CEP170: variants seen among roughly 807,000 people sequenced by gnomAD.
CEP170 encodes the protein centrosomal protein of 170 kDa.
CEP170 carries 21 observed loss-of-function variants against 151.9 expected under a neutral mutation model. The observed-to-expected ratio is 0.14, with a 90% CI of 0.10 to 0.20. CEP170 has a LOEUF of 0.20. Among genes scored for constraint, CEP170 ranks in the 10% least tolerant of loss-of-function variants. The probability of loss-of-function intolerance (pLI) is 1.00; values close to 1 mark genes in which losing one functional copy is unlikely to be tolerated. For missense variants in CEP170, 964 were observed against 1,892.9 expected, an observed-to-expected ratio of 0.51 and a Z score of 9.11; for synonymous variants, 356 against 648.8, an observed-to-expected ratio of 0.55 and a Z score of 6.86.
At chr1:243,221,169 A>T (rs537982009) in intron 3 of CEP170, among the ~76,000 whole-genome samples, 2 of 151,882 alleles carry the variant, frequency 1.3e-5, no homozygotes, top group African/African-American at 4.8e-5. Context: ...GGACTACAGG[A>T]GCCCGCCACC....
In CEP170 at chr1:243,140,118, G is replaced by A. The variant is rs2055651308; in HGVS notation, c.4060-11C>T. 3 of 1,612,412 alleles carry A rather than the reference G, an allele frequency of 1.9e-6. No individual in the cohort carries two copies. The highest frequency in any genetic ancestry group is 1.1e-5 in the South Asian group (1 of 90,966). Reference sequence around the variant, plus strand: ...AACACGATCAACCAACTAATGGGACGAAAGCAAACCTTTATGAGAACACAG... The same window carrying A: ...AACACGATCAACCAACTAATGGGACAAAAGCAAACCTTTATGAGAACACAG... On this transcript the variant is annotated splice_polypyrimidine_tract_variant and intron_variant, in intron 15 of 19. Transcript: ENST00000366542.
chr1:243,219,864 G>A (rs1222641116), intron 3 of CEP170, among the ~76,000 whole-genome samples: 1 of 152,218 alleles, frequency 6.6e-6, no homozygotes, highest in Non-Finnish European at 1.5e-5. Context: ...CACAGAAGCA[G>A]AAGGCACATG....
rs150860345 is a variant in CEP170 at position 243,172,363 on chromosome 1, G to A, written c.1716+334C>T. On this transcript the variant is annotated intron_variant, in intron 11 of 19. Coordinates refer to ENST00000366542, the MANE Select transcript of CEP170 (RefSeq NM_014812.3). ...AATGATAAGAATTCAGGCCAAGTGCGGTGACTCATGCCTGTAATCCTCGCA... is the reference window on the plus strand; with the variant it reads ...AATGATAAGAATTCAGGCCAAGTGCAGTGACTCATGCCTGTAATCCTCGCA... Among the ~76,000 whole-genome samples the A allele has an allele frequency of 1.5e-4, 23 of 152,248 alleles. No individual in the cohort carries two copies. The East Asian group carries it at 2.5e-3, about 17-fold the overall frequency.
intron 10 of CEP170, among the ~76,000 whole-genome samples, chr1:243,180,799 G>C (rs11811155): frequency 0.078 from 11,799 of 152,138 alleles, 1,062 homozygotes; most frequent in African/African-American, 0.2. Context: ...CATGTTTCTA[G>C]TTTTGTTATA....
At chr1:243,196,837 A>T (rs1171171776) in intron 7 of CEP170, among the ~76,000 whole-genome samples, 4 of 152,126 alleles carry the variant, frequency 2.6e-5, no homozygotes, top group Non-Finnish European at 5.9e-5. Flanking sequence ...CTGACGATAA[A>T]TATACAGACA....
intron 4 of CEP170, among the ~76,000 whole-genome samples, chr1:243,206,907 C>T (rs1253009044): frequency 1.3e-5 from 2 of 151,926 alleles, no homozygotes; most frequent in South Asian, 2.1e-4. Flanking sequence ...AAAGGTACCA[C>T]TAAAACAACA....
intron 1 of CEP170, among the ~76,000 whole-genome samples, chr1:243,234,111 A>T (rs974551914): frequency 6.6e-6 from 1 of 152,200 alleles, no homozygotes; most frequent in Non-Finnish European, 1.5e-5. Flanking sequence ...TATAAAGATT[A>T]AACCTCCTCT....
chr1:243,221,653 G>T, intron 3 of CEP170, 71 bp downstream of exon 3: 1 of 1,407,140 alleles, frequency 7.1e-7, no homozygotes, highest in Non-Finnish European at 9.7e-7. Flanking sequence ...GCTAGGAAAT[G>T]TAATCTGATT....
At chr1:243,192,672 G>A (rs139770239) in intron 7 of CEP170, among the ~76,000 whole-genome samples, 19 of 152,206 alleles carry the variant, frequency 1.2e-4, no homozygotes, top group Non-Finnish European at 1.0e-4. Flanking sequence ...TAAGTGAAGC[G>A]TTTGGTCTTT....
intron 17 of CEP170, among the ~76,000 whole-genome samples, chr1:243,130,061 C>T (rs939752889): frequency 6.6e-6 from 1 of 152,056 alleles, no homozygotes; most frequent in African/African-American, 2.4e-5. Context: ...TGTCAGGCAT[C>T]CAGTGGGTAT....
At chr1:243,206,374 C>T (rs554971973) in intron 4 of CEP170, among the ~76,000 whole-genome samples, 6 of 11,054 alleles carry the variant, frequency 5.4e-4, no homozygotes, top group East Asian at 0.5. Context: ...CTTCATGATC[C>T]GCTTGCCTTC....
At chr1:243,227,903 T>C (rs962432142) in intron 1 of CEP170, among the ~76,000 whole-genome samples, 9 of 152,214 alleles carry the variant, frequency 5.9e-5, no homozygotes, top group Non-Finnish European at 1.0e-4. Context: ...CCTGGAGTCA[T>C]ATAGACAGAT....
At chr1:243,163,295 T>C (rs2148524077) in intron 13 of CEP170, 1 of 152,304 alleles carries the variant, frequency 6.6e-6, no homozygotes, top group East Asian at 1.9e-4. Flanking sequence ...CTACTGAAAA[T>C]AATCACACAT....
intron 16 of CEP170, among the ~76,000 whole-genome samples, chr1:243,139,095 T>G (rs1427936099): frequency 6.6e-6 from 1 of 151,942 alleles, no homozygotes; most frequent in Non-Finnish European, 1.5e-5. Context: ...GCCTTAAGTA[T>G]TTTCTTTTTC....
intron 17 of CEP170, among the ~76,000 whole-genome samples, chr1:243,131,955 C>T (rs773913493): frequency 1.3e-5 from 2 of 152,178 alleles, no homozygotes; most frequent in Admixed American, 1.3e-4. Context: ...TTAAAACATG[C>T]GAACGCGGAG....
chr1:243,199,418 T>G (rs1156315154), intron 6 of CEP170, among the ~76,000 whole-genome samples: 3 of 152,122 alleles, frequency 2.0e-5, no homozygotes, highest in African/African-American at 7.2e-5. Context: ...GGTATCTAAG[T>G]AACACAACGT....
intron 10 of CEP170, among the ~76,000 whole-genome samples, chr1:243,181,689 A>G (rs922691728): frequency 1.1e-4 from 17 of 152,176 alleles, no homozygotes; most frequent in Admixed American, 1.0e-3. Context: ...AAAAACTGAA[A>G]AGGCATTCTG....
At chr1:243,220,791 T>C (rs1206154710) in intron 3 of CEP170, among the ~76,000 whole-genome samples, 1 of 152,208 alleles carries the variant, frequency 6.6e-6, no homozygotes, top group Admixed American at 6.5e-5. Context: ...TCAGCACTCT[T>C]TTTAGTTTGT....
chr1:243,178,176 A>G (rs1381742637), intron 10 of CEP170, among the ~76,000 whole-genome samples: 1 of 152,002 alleles, frequency 6.6e-6, no homozygotes, highest in African/African-American at 2.4e-5. Context: ...TAAAAATACA[A>G]AAATTAACCG....
Sources: gnomAD v4.1 joint callset for allele counts (sites outside exome capture counted in the v4.1 genomes callset) on GRCh38, gnomAD v4.1.1 for gene constraint, MANE v1.5 for transcripts, NCBI Gene and HGNC (gene_info 2026-07-23, HGNC 2026-07-21) for gene names.